CHD5: variants seen among roughly 807,000 people sequenced by gnomAD.
CHD5 encodes chromodomain helicase DNA binding protein 5.
A neutral mutation model predicts 230.3 loss-of-function variants in CHD5; 69 were observed. That is an observed-to-expected ratio of 0.30 (90% CI 0.25 to 0.37). CHD5 has a LOEUF of 0.37. Among genes scored for constraint, CHD5 ranks in the 10% least tolerant of loss-of-function variants. The pLI is 1.00. For missense variants in CHD5, 1,827 were observed against 2,622.8 expected (o/e 0.70, Z 6.63); for synonymous variants, 1,064 against 1,065.9 (o/e 1.00, Z 0.03).
intron 36 of CHD5, 59 bp downstream of exon 36, chr1:6,111,716 C>G: frequency 7.3e-7 from 1 of 1,374,166 alleles, no homozygotes; most frequent in Admixed American, 1.7e-5. Flanking sequence ...AGAGGGCTCT[C>G]CCCGAGGTCC....
Position 6,129,019 on chromosome 1 carries a change from G to A in CHD5, c.3438C>T (p.Tyr1146=). ...CCACCGAGGCCCGAGTCACGAAGCG[G>A]TAGATCATCACCTTCTTGTTCTGGC... is the stretch of plus-strand genomic sequence containing the variant. The part of the protein sequence containing the change: ...RIGQNKKVMI[Y]RFVTRASVEE... The change falls in exon 23 of 42, where the codon TAC becomes TAT. Residue 1146 remains tyrosine, a synonymous_variant. Coordinates refer to ENST00000262450, the MANE Select transcript of CHD5 (RefSeq NM_015557.3). The surrounding 1 kb of genome is among the most constrained non-coding windows in gnomAD (Gnocchi z 6.8). 1 of 1,611,386 alleles carries A rather than the reference G, an allele frequency of 6.2e-7. No homozygotes were observed.
intron 1 of CHD5, among the ~76,000 whole-genome samples, chr1:6,174,890 T>C (rs1344159521): frequency 2.1e-5 from 3 of 144,862 alleles, no homozygotes; most frequent in Non-Finnish European, 4.5e-5. Flanking sequence ...GATAGATGGA[T>C]GGATAGATGG....
intron 33 of CHD5, among the ~76,000 whole-genome samples, chr1:6,117,019 A>G (rs543970250): frequency 1.3e-5 from 2 of 152,338 alleles, no homozygotes; most frequent in East Asian, 3.9e-4. Context: ...TCCTCATATT[A>G]CTCAGGGGTA....
chr1:6,125,319 G>A lies in CHD5; in HGVS notation c.4261-86C>T, dbSNP rs1182823832. On this transcript the variant is annotated intron_variant, in intron 28 of 41. Transcript: ENST00000262450. The surrounding 1 kb of genome is among the most constrained non-coding windows in gnomAD (Gnocchi z 6.7). ...CTGGGATGGGGGAAGAAAAGCATGG[G>A]AGGAGGAGAAGGTAGGAAGGGGGCA... is the stretch of plus-strand genomic sequence containing the variant. 10 of 1,420,316 alleles carry A rather than the reference G, an allele frequency of 7.0e-6. No homozygotes were observed. The highest frequency in any genetic ancestry group is 2.8e-5 in the African/African-American group (2 of 71,184). 88.0% of individuals were successfully genotyped at this position (1,420,316 alleles called of 1,614,324 possible). A position where few individuals can be genotyped will look rare whatever the true frequency, so the allele number is the denominator to read the frequency against.
At position 6,146,904 on chromosome 1, in the gene CHD5, T is replaced by C; in HGVS notation, c.1384-33A>G. ...CAGAGAAGGGTCCCCAAGGTGGGGC[T>C]CAGCTGCAGGGCCCCACCCTGAGGC... On this transcript the variant is annotated intron_variant, in intron 9 of 41. Coordinates refer to ENST00000262450, the MANE Select transcript of CHD5 (RefSeq NM_015557.3). This position sits in a 1 kb window ranked among gnomAD's most constrained non-coding sequence, Gnocchi z 5.1. The C allele has an allele frequency of 6.9e-7, 1 of 1,439,502 alleles. No homozygotes were observed. Among genetic ancestry groups the C allele is most frequent in the Non-Finnish European group, 9.2e-7 (1 of 1,085,642 alleles). The allele number at this position is 1,439,502 out of a possible 1,614,324, so 89.2% of individuals were successfully genotyped here.
At chr1:6,109,715 G>T in intron 38 of CHD5, 80 bp downstream of exon 38, 1 of 1,225,032 alleles carries the variant, frequency 8.2e-7, no homozygotes, top group African/African-American at 1.5e-5. Context: ...CCCCATCAGT[G>T]CCCTCATCTA....
intron 38 of CHD5, among the ~76,000 whole-genome samples, chr1:6,108,478 A>C (rs1394933635): frequency 8.3e-6 from 1 of 120,480 alleles, no homozygotes; most frequent in African/African-American, 3.2e-5. Flanking sequence ...ATGGAGGGAG[A>C]ATGGAAGGAT....
In CHD5 at chr1:6,167,533, T is replaced by C. The variant is rs1051009581; in HGVS notation, c.207+617A>G. ...GCGATCATCCCTCCCATGCCACCAA[T>C]TTCCAGGGCTGATCATGAGGATCAA... On this transcript the variant is annotated intron_variant, in intron 2 of 41. Coordinates refer to ENST00000262450, the MANE Select transcript of CHD5 (RefSeq NM_015557.3). This position sits in a 1 kb window ranked among gnomAD's most constrained non-coding sequence, Gnocchi z 4.5. Among the ~76,000 whole-genome samples, 2 of 152,130 alleles carry C rather than the reference T, an allele frequency of 1.3e-5. No homozygotes were observed. The highest frequency in any genetic ancestry group is 4.8e-5 in the African/African-American group (2 of 41,430).
chr1:6,113,384 A>C (rs1421004567), intron 33 of CHD5: 2 of 423,670 alleles, frequency 4.7e-6, no homozygotes, highest in Non-Finnish European at 4.7e-6. Flanking sequence ...AGATGGCGCC[A>C]CTGCACTCCA....
intron 35 of CHD5, 127 bp downstream of exon 35, chr1:6,112,013 A>G: frequency 7.1e-7 from 1 of 1,402,214 alleles, no homozygotes; most frequent in South Asian, 1.3e-5. Context: ...CAGGGTGGCT[A>G]AGAAAGGTTA....
rs1448398166 is a variant in CHD5 at position 6,104,531 on chromosome 1, C to A, written c.*943G>T. The A allele has an allele frequency of 6.6e-6, 1 of 152,108 alleles. No individual in the cohort carries two copies. Among genetic ancestry groups the A allele is most frequent in the Non-Finnish European group, 1.5e-5 (1 of 68,042 alleles). The allele number at this position is 152,108 out of a possible 1,614,324, so 9.4% of individuals were successfully genotyped here. On this transcript the variant is annotated 3_prime_UTR_variant, in exon 42 of 42. Transcript: ENST00000262450. ...GGGCCAGCTCAGGGCCCATGACCCTCCTTGCTGGGGCGCAGCTATCACTGC... is the reference window on the plus strand; with the variant it reads ...GGGCCAGCTCAGGGCCCATGACCCTACTTGCTGGGGCGCAGCTATCACTGC...
intron 1 of CHD5, among the ~76,000 whole-genome samples, chr1:6,177,985 A>T (rs1667451419): frequency 6.6e-6 from 1 of 152,142 alleles, no homozygotes. Context: ...AGGAGTGGGT[A>T]GAAGGCCCTG....
intron 36 of CHD5, among the ~76,000 whole-genome samples, chr1:6,110,875 G>A (rs192307762): frequency 8.5e-5 from 13 of 152,346 alleles, no homozygotes; most frequent in African/African-American, 3.1e-4. Context: ...ATGAAGTTAA[G>A]AAAGGGTCAT....
chr1:6,171,854 G>C (rs536464826), intron 1 of CHD5, among the ~76,000 whole-genome samples: 170 of 152,364 alleles, frequency 1.1e-3, no homozygotes, highest in African/African-American at 3.2e-3. Flanking sequence ...CCAGCTCCTG[G>C]CCCCTCGTGG....
At chr1:6,149,490 G>A in intron 7 of CHD5, 78 bp from the exon 8 acceptor site, 1 of 1,444,002 alleles carries the variant, frequency 6.9e-7, no homozygotes, top group Non-Finnish European at 9.4e-7. Context: ...CCCCAGGCCA[G>A]ACAGGCACAG....
In CHD5 at chr1:6,121,099, C is replaced by T; in HGVS notation, c.4912+6G>A. On this transcript the variant is annotated splice_donor_region_variant and intron_variant, in intron 33 of 41. Transcript: ENST00000262450. This position sits in a 1 kb window ranked among gnomAD's most constrained non-coding sequence, Gnocchi z 4.5. The stretch of plus-strand genomic sequence containing the variant: ...CTGGGGTGGGTGGCCTGCAAGAAGC[C>T]CCAACCTCTCGGCAGCTGCTCCGGG... 1.3e-6 allele frequency: 2 copies of T among 1,587,320 alleles called. No individual in the cohort carries two copies. Among genetic ancestry groups the T allele is most frequent in the Non-Finnish European group, 1.7e-6 (2 of 1,168,094 alleles).
chr1:6,129,476 GCA>G lies in CHD5; in HGVS notation c.3388-409_3388-408del, dbSNP rs1373805494. On this transcript the variant is annotated intron_variant, in intron 22 of 41. Transcript: ENST00000262450. The surrounding 1 kb of genome is among the most constrained non-coding windows in gnomAD (Gnocchi z 6.8). ...CCACAAGACCATGTGCTGGAGACAC[GCA>G]GCCACCTTCTGAGGGCAGCAAGGAG... Among the ~76,000 whole-genome samples, 1 of 152,148 alleles carries G rather than the reference GCA, an allele frequency of 6.6e-6. No individual in the cohort carries two copies. Among genetic ancestry groups the G allele is most frequent in the East Asian group, 1.9e-4 (1 of 5,184 alleles).
At chr1:6,145,171 C>T (rs1344615243) in intron 11 of CHD5, among the ~76,000 whole-genome samples, 1 of 152,192 alleles carries the variant, frequency 6.6e-6, no homozygotes, top group Non-Finnish European at 1.5e-5. Flanking sequence ...GACCCTCGTA[C>T]TGAAGACCAC....
rs369025801 is a variant in CHD5 at position 6,152,580 on chromosome 1, C to T, written c.746-44G>A. The T allele has an allele frequency of 1.8e-5, 29 of 1,610,182 alleles. No individual in the cohort carries two copies. The Middle Eastern group carries it at 6.6e-4, about 37-fold the overall frequency. On this transcript the variant is annotated intron_variant, in intron 5 of 41. Coordinates refer to ENST00000262450, the MANE Select transcript of CHD5 (RefSeq NM_015557.3). ...GATAGCCAACCACTGCCACCACTGA[C>T]GGCCTGCTTCCTGCCATCATCTCAC...
Sources: allele counts gnomAD v4.1 joint callset (sites outside exome capture counted in the v4.1 genomes callset), GRCh38; gene constraint gnomAD v4.1.1; non-coding constraint Gnocchi (gnomAD v3.1); transcripts MANE v1.5; gene names NCBI Gene and HGNC (gene_info 2026-07-23, HGNC 2026-07-21).